C14orf132: variants seen among roughly 807,000 people sequenced by gnomAD.
The protein encoded by C14orf132 is chromosome 14 open reading frame 132, also known as uncharacterized protein C14orf132.
A neutral mutation model predicts 5.8 loss-of-function variants in C14orf132; 6 were observed. The observed-to-expected ratio is 1.03, with a 90% CI of 0.57 to 2.04. The LOEUF is 2.04. Ranked by LOEUF, C14orf132 falls within the 30% of genes most tolerant of loss-of-function variation. C14orf132 has a pLI of 0.00. For missense variants in C14orf132, 125 were observed against 115.8 expected (o/e 1.08, Z -0.37); for synonymous variants, 51 against 49.8 (o/e 1.02, Z -0.10).
At chr14:96,078,693 G>C (rs1887946287) in intron 1 of C14orf132, among the ~76,000 whole-genome samples, 1 of 152,320 alleles carries the variant, frequency 6.6e-6, no homozygotes, top group South Asian at 2.1e-4. Context: ...GGCAGACTGG[G>C]CTGGCACCAA....
chr14:96,088,564 C>A lies in C14orf132; in HGVS notation c.*1829C>A, dbSNP rs1284793204. On this transcript the variant is annotated 3_prime_UTR_variant, in exon 2 of 2. Coordinates refer to ENST00000555004, the MANE Select transcript of C14orf132 (RefSeq NM_001252507.3). ...CTCTCTCCATCAAACCCCAGGTCTG[C>A]CCCATAAGCAAGATCTTTAACAGAT... 3.9e-5 allele frequency: 6 copies of A among 152,304 alleles called. No individual in the cohort carries two copies. Among genetic ancestry groups the A allele is most frequent in the Non-Finnish European group, 7.3e-5 (5 of 68,112 alleles). The allele number at this position is 152,304 out of a possible 1,614,324, so 9.4% of individuals were successfully genotyped here. A position where few individuals can be genotyped will look rare whatever the true frequency, so the allele number is the denominator to read the frequency against.
In C14orf132 at chr14:96,086,843, G is replaced by T; in HGVS notation, c.*108G>T. ...CTAGAACCAGGAGTTTTGACCAGGG[G>T]CGGCGGCCGTCCTTCTGGAATTTCT... On this transcript the variant is annotated 3_prime_UTR_variant, in exon 2 of 2. Coordinates refer to ENST00000555004, the MANE Select transcript of C14orf132 (RefSeq NM_001252507.3). 9.0e-7 allele frequency: 1 copy of T among 1,112,922 alleles called. No homozygotes were observed. Among genetic ancestry groups the T allele is most frequent in the East Asian group, 2.6e-5 (1 of 38,576 alleles). 68.9% of individuals were successfully genotyped at this position (1,112,922 alleles called of 1,614,324 possible).
At chr14:96,075,774 A>G (rs145865269) in intron 1 of C14orf132, among the ~76,000 whole-genome samples, 7 of 152,250 alleles carry the variant, frequency 4.6e-5, no homozygotes, top group Non-Finnish European at 8.8e-5. Context: ...GCTTTGCATT[A>G]TCTTCTCTAT....
At chr14:96,046,751 C>T (rs1393606083) in intron 1 of C14orf132, among the ~76,000 whole-genome samples, 1 of 152,198 alleles carries the variant, frequency 6.6e-6, no homozygotes, top group African/African-American at 2.4e-5. Context: ...TGGCATATCC[C>T]CTGCTAATTC....
At chr14:96,070,217 T>C (rs1215355793) in intron 1 of C14orf132, among the ~76,000 whole-genome samples, 2 of 152,252 alleles carry the variant, frequency 1.3e-5, no homozygotes, top group Non-Finnish European at 2.9e-5. Flanking sequence ...ATTGTCCCTT[T>C]TTCTTGGTAA....
intron 1 of C14orf132, among the ~76,000 whole-genome samples, chr14:96,074,827 G>GT (rs1887815053): frequency 1.3e-5 from 2 of 150,784 alleles, no homozygotes; most frequent in African/African-American, 2.4e-5. Context: ...TAGCTTTATC[G>GT]TAAGTCTTGA....
chr14:96,065,850 C>A (rs1270040339), intron 1 of C14orf132, among the ~76,000 whole-genome samples: 4 of 152,184 alleles, frequency 2.6e-5, no homozygotes, highest in Non-Finnish European at 1.5e-5. Flanking sequence ...AATGACACTG[C>A]TGAATCACTT....
intron 1 of C14orf132, among the ~76,000 whole-genome samples, chr14:96,074,529 T>A (rs1029645556): frequency 4.8e-4 from 68 of 142,784 alleles, no homozygotes; most frequent in African/African-American, 1.7e-3. Context: ...CCATTTTGAG[T>A]TTTTTGTATA....
At chr14:96,047,764 TC>T (rs2139644412) in intron 1 of C14orf132, among the ~76,000 whole-genome samples, 1 of 152,296 alleles carries the variant, frequency 6.6e-6, no homozygotes, top group African/African-American at 2.4e-5. Flanking sequence ...CACAGAAAAA[TC>T]GAGAGGAGGG....
At chr14:96,058,637 G>T (rs1056539038) in intron 1 of C14orf132, among the ~76,000 whole-genome samples, 2 of 152,140 alleles carry the variant, frequency 1.3e-5, no homozygotes, top group Non-Finnish European at 2.9e-5. Flanking sequence ...AAGTGATGTT[G>T]GAAAATGCAT....
rs1025100471 is a variant in C14orf132, at chr14:96,039,543, C to A, written c.27+16C>A. 8 of 1,499,802 alleles carry A rather than the reference C, an allele frequency of 5.3e-6. No homozygotes were observed. The highest frequency in any genetic ancestry group is 6.2e-6 in the Non-Finnish European group (7 of 1,127,368). 92.9% of individuals were successfully genotyped at this position (1,499,802 alleles called of 1,614,324 possible). A position where few individuals can be genotyped will look rare whatever the true frequency, so the allele number is the denominator to read the frequency against. On this transcript the variant is annotated intron_variant, in intron 1 of 1. Coordinates refer to ENST00000555004, the MANE Select transcript of C14orf132 (RefSeq NM_001252507.3). This position sits in a 1 kb window ranked among gnomAD's most constrained non-coding sequence, Gnocchi z 5.3. ...GGCCGCGCAGGTAACGGGGCGTCCCCCCCACGCGCCCCGGGCCGCCAAGTT... is the reference window on the plus strand; with the variant it reads ...GGCCGCGCAGGTAACGGGGCGTCCCACCCACGCGCCCCGGGCCGCCAAGTT...
intron 1 of C14orf132, among the ~76,000 whole-genome samples, chr14:96,045,450 A>T (rs1886805768): frequency 6.6e-6 from 1 of 151,772 alleles, no homozygotes; most frequent in Non-Finnish European, 1.5e-5. Flanking sequence ...TCAGGTGGTG[A>T]GGGGGTGGGT....
intron 1 of C14orf132, among the ~76,000 whole-genome samples, chr14:96,061,423 T>G (rs1227433912): frequency 6.6e-6 from 1 of 152,136 alleles, no homozygotes; most frequent in East Asian, 1.9e-4. Flanking sequence ...ATAGGTTCAT[T>G]TAAGGAGCTA....
intron 1 of C14orf132, among the ~76,000 whole-genome samples, chr14:96,054,673 C>T (rs960573788): frequency 1.3e-5 from 2 of 152,302 alleles, no homozygotes; most frequent in African/African-American, 2.4e-5. Context: ...TATCCCCCTC[C>T]GCATCATCCC....
chr14:96,069,373 T>C (rs1236803090), intron 1 of C14orf132, among the ~76,000 whole-genome samples: 1 of 150,478 alleles, frequency 6.6e-6, no homozygotes, highest in Non-Finnish European at 1.5e-5. Context: ...TTGATTTCTA[T>C]AATCCTGGAA....
At chr14:96,050,447 A>G (rs1595170092) in intron 1 of C14orf132, among the ~76,000 whole-genome samples, 1 of 152,168 alleles carries the variant, frequency 6.6e-6, no homozygotes, top group African/African-American at 2.4e-5. Flanking sequence ...TTCTGGCCCT[A>G]TATGGGTTCC....
At chr14:96,072,546 T>C (rs910566499) in intron 1 of C14orf132, among the ~76,000 whole-genome samples, 1 of 152,246 alleles carries the variant, frequency 6.6e-6, no homozygotes. Flanking sequence ...GAGGGGATGA[T>C]ACGGTTCTCT....
Position 96,087,284 on chromosome 14 carries a change from C to G in C14orf132, c.*549C>G, listed in dbSNP as rs1325204976. On this transcript the variant is annotated 3_prime_UTR_variant, in exon 2 of 2. Transcript: ENST00000555004. ...GCACCTTTGCCACCAGACACCTGGT[C>G]CCTTCCAAGACCCAAGTGCATTGGG... is the stretch of plus-strand genomic sequence containing the variant. 1 of 153,456 alleles carries G rather than the reference C, an allele frequency of 6.5e-6. No individual in the cohort carries two copies. Among genetic ancestry groups the G allele is most frequent in the Non-Finnish European group, 1.4e-5 (1 of 69,232 alleles). The allele number at this position is 153,456 out of a possible 1,614,324, so 9.5% of individuals were successfully genotyped here. A position where few individuals can be genotyped will look rare whatever the true frequency, so the allele number is the denominator to read the frequency against.
intron 1 of C14orf132, among the ~76,000 whole-genome samples, chr14:96,064,421 T>C (rs1411924126): frequency 2.0e-5 from 3 of 149,794 alleles, no homozygotes; most frequent in Admixed American, 6.7e-5. Context: ...TATATACACA[T>C]ATATACACAT....
Sources: allele counts gnomAD v4.1 joint callset (sites outside exome capture counted in the v4.1 genomes callset), GRCh38; gene constraint gnomAD v4.1.1; non-coding constraint Gnocchi (gnomAD v3.1); transcripts MANE v1.5; gene names NCBI Gene and HGNC (gene_info 2026-07-23, HGNC 2026-07-21).